TACC2: variants seen among roughly 807,000 people sequenced by gnomAD.
The protein encoded by TACC2 is transforming acidic coiled-coil containing protein 2.
Under a neutral mutation model 227.3 loss-of-function variants are expected in TACC2, and 137 were observed. That is an observed-to-expected ratio of 0.60 (90% confidence interval 0.52 to 0.69). The LOEUF is 0.69. Ranked by LOEUF, TACC2 falls within the 30% of genes least tolerant of loss-of-function variation. The pLI, the probability that TACC2 is intolerant of heterozygous loss-of-function variation, is 0.00. For synonymous variants in TACC2, 1,523 were observed against 1,487.5 expected (o/e 1.02, Z -0.55); for missense variants, 3,470 against 3,694.4 (o/e 0.94, Z 1.57).
chr10:122,203,257 C>T (rs1478698742), intron 8 of TACC2, among the ~76,000 whole-genome samples: 1 of 142,110 alleles, frequency 7.0e-6, no homozygotes, highest in African/African-American at 2.9e-5. Flanking sequence ...CACCCCTCAC[C>T]TCCCGGACGG....
intron 2 of TACC2, among the ~76,000 whole-genome samples, chr10:122,044,633 A>AC (rs1230296277): frequency 6.6e-6 from 1 of 151,874 alleles, no homozygotes; most frequent in East Asian, 1.9e-4. Flanking sequence ...TATTGGCATG[A>AC]CCAGTAAGCA....
chr10:122,182,935 AG>A (rs2140307437), intron 7 of TACC2, among the ~76,000 whole-genome samples: 1 of 152,110 alleles, frequency 6.6e-6, no homozygotes, highest in Admixed American at 6.5e-5. Flanking sequence ...GTGGCTTCTA[AG>A]CTCATATCTG....
intron 7 of TACC2, among the ~76,000 whole-genome samples, chr10:122,159,519 G>C (rs1168276497): frequency 6.6e-6 from 1 of 152,182 alleles, no homozygotes; most frequent in African/African-American, 2.4e-5. Flanking sequence ...TGCAGGGCTC[G>C]GGCGTTCAGG....
intron 5 of TACC2, among the ~76,000 whole-genome samples, chr10:122,099,435 C>T (rs1468402119): frequency 6.6e-6 from 1 of 152,196 alleles, no homozygotes; most frequent in Non-Finnish European, 1.5e-5. Context: ...TGAGGTACCA[C>T]CTCATGCCTG....
At chr10:122,223,883 C>G (rs942839425) in intron 11 of TACC2, among the ~76,000 whole-genome samples, 5 of 152,128 alleles carry the variant, frequency 3.3e-5, no homozygotes, top group Non-Finnish European at 5.9e-5. Context: ...TCTGGTAGCT[C>G]TAGATTGTGG....
chr10:122,195,201 A>G (rs2094525622), intron 8 of TACC2, 25 bp downstream of exon 8: 1 of 1,524,366 alleles, frequency 6.6e-7, no homozygotes, highest in Non-Finnish European at 8.9e-7. Context: ...GGAGGCCCCC[A>G]GACAGCCCTG....
At chr10:122,217,253 T>G (rs1161905717) in intron 11 of TACC2, among the ~76,000 whole-genome samples, 3 of 152,040 alleles carry the variant, frequency 2.0e-5, no homozygotes, top group Non-Finnish European at 2.9e-5. Flanking sequence ...CATACTGTGT[T>G]CAGACACTAT....
At chr10:122,140,248 G>A (rs2090333310) in intron 6 of TACC2, among the ~76,000 whole-genome samples, 1 of 152,214 alleles carries the variant, frequency 6.6e-6, no homozygotes. Context: ...CTGAGGTCTT[G>A]TCTAGCTGGG....
At chr10:122,202,668 T>C (rs138699580) in intron 8 of TACC2, among the ~76,000 whole-genome samples, 18,852 of 148,788 alleles carry the variant, frequency 0.13, 3,054 homozygotes, top group African/African-American at 0.37. Context: ...TTCTTTCTTT[T>C]TTTTTTTTTA....
intron 3 of TACC2, among the ~76,000 whole-genome samples, chr10:122,063,868 A>G (rs1565192600): frequency 6.6e-6 from 1 of 151,100 alleles, no homozygotes. Context: ...CCTTAAAGAA[A>G]TGTGTGTGTG....
chr10:122,131,170 G>A (rs1247487491), intron 5 of TACC2, among the ~76,000 whole-genome samples: 1 of 97,312 alleles, frequency 1.0e-5, no homozygotes, highest in Non-Finnish European at 2.0e-5. Flanking sequence ...AGAGGGAGAC[G>A]CTTTCTCAAA....
intron 3 of TACC2, among the ~76,000 whole-genome samples, chr10:122,062,030 T>C (rs1007375112): frequency 1.5e-5 from 2 of 131,134 alleles, no homozygotes; most frequent in African/African-American, 5.8e-5. Flanking sequence ...AGCGGCTTTT[T>C]TTTTTTTTTT....
intron 3 of TACC2, among the ~76,000 whole-genome samples, chr10:122,075,436 C>G (rs2078687745): frequency 6.6e-6 from 1 of 152,150 alleles, no homozygotes; most frequent in Non-Finnish European, 1.5e-5. Context: ...CCTCGAACAC[C>G]TTAACCCCAC....
chr10:122,229,443 A>C lies in TACC2; in HGVS notation c.7994A>C (p.Asp2665Ala), dbSNP rs2095691251. 1.2e-6 allele frequency: 2 copies of C among 1,613,768 alleles called. No individual in the cohort carries two copies. The highest frequency in any genetic ancestry group is 2.7e-5 in the African/African-American group (2 of 74,806). The change falls in exon 15 of 23, where the codon GAC becomes GCC. Residue 2665 changes from aspartate (D) to alanine (A), a missense_variant. This residue lies in a region of TACC2 where 345 missense variants were observed against 354.4 expected (regional missense o/e 0.97). Transcript: ENST00000369005. The part of the protein sequence containing the change: ...LCGALDYLEP[D>A]LAEKNPPLFA... ...GGTGCACTTGACTATCTGGAGCCCG[A>C]CTTAGCAGAAAAGAACCCCCCACTA...
chr10:122,123,054 G>A (rs146573994), intron 5 of TACC2, among the ~76,000 whole-genome samples: 2 of 152,240 alleles, frequency 1.3e-5, no homozygotes, highest in African/African-American at 4.8e-5. Context: ...CCAGGCTGGA[G>A]TGCAGTGGCA....
intron 7 of TACC2, chr10:122,192,328 G>A (rs1046354353): frequency 3.0e-5 from 7 of 234,966 alleles, no homozygotes; most frequent in Non-Finnish European, 5.2e-5. Context: ...GGCAGTTGCT[G>A]CAGCGGAGAA....
At chr10:122,208,795 T>TA (rs2095211687) in intron 8 of TACC2, among the ~76,000 whole-genome samples, 1 of 152,224 alleles carries the variant, frequency 6.6e-6, no homozygotes, top group African/African-American at 2.4e-5. Flanking sequence ...TCCCAGGTCT[T>TA]ACCTGTGCCA....
chr10:122,248,496 TG>T, intron 19 of TACC2, 146 bp from the exon 20 acceptor site: 3 of 905,902 alleles, frequency 3.3e-6, no homozygotes, highest in South Asian at 1.6e-5. Flanking sequence ...GGGAGGGCTC[TG>T]GGGCGTGGGT....
intron 22 of TACC2, 68 bp from the exon 23 acceptor site, chr10:122,253,923 A>G: frequency 7.3e-7 from 1 of 1,377,730 alleles, no homozygotes; most frequent in South Asian, 1.2e-5. Flanking sequence ...CTCCCCAAAA[A>G]GCCCCATGAG....
Sources: gnomAD v4.1 joint callset for allele counts (sites outside exome capture counted in the v4.1 genomes callset) on GRCh38, gnomAD v4.1.1 for gene constraint, gnomAD v4.1.1 regional missense constraint, MANE v1.5 for transcripts, NCBI Gene and HGNC (gene_info 2026-07-23, HGNC 2026-07-21) for gene names.